Variants in GRM7 observed in about 807,000 individuals in gnomAD.
GRM7 encodes glutamate metabotropic receptor 7.
A neutral mutation model predicts 84.5 loss-of-function variants in GRM7; 35 were observed. The ratio of observed to expected loss-of-function variants is 0.41; its 90% CI spans 0.32 to 0.55. The LOEUF (loss-of-function observed/expected upper bound fraction) is 0.55. Ranked by LOEUF, GRM7 falls within the 20% of genes least tolerant of loss-of-function variation. The pLI, the probability that GRM7 is intolerant of heterozygous loss-of-function variation, is 0.19. For synonymous variants in GRM7, 487 were observed against 455.1 expected (o/e 1.07, Z -0.89); for missense variants, 1,003 against 1,194.6 (o/e 0.84, Z 2.36).
At chr3:7,468,353 T>A (rs769779211) in intron 7 of GRM7, among the ~76,000 whole-genome samples, 30 of 152,322 alleles carry the variant, frequency 2.0e-4, no homozygotes, top group Middle Eastern at 3.4e-3. Flanking sequence ...TTGTTAGTAA[T>A]TAGAACAGTA....
rs527292460 is a variant in GRM7 at position 7,683,719 on chromosome 3, A to G, written c.2698+3424A>G. Among the ~76,000 whole-genome samples, 6 of 152,364 alleles carry G rather than the reference A, an allele frequency of 3.9e-5. No homozygotes were observed. The East Asian group carries it at 1.2e-3, about 29-fold the overall frequency. On this transcript the variant is annotated intron_variant, in intron 9 of 9. Coordinates refer to ENST00000357716, the MANE Select transcript of GRM7 (RefSeq NM_000844.4). ...TGAACATTTGAAATATAGCTACTCA[A>G]CTGAAGAAATACATTTGTTATTTTA...
At chr3:7,116,550 T>A (rs1693041039) in intron 1 of GRM7, among the ~76,000 whole-genome samples, 1 of 152,152 alleles carries the variant, frequency 6.6e-6, no homozygotes, top group African/African-American at 2.4e-5. Flanking sequence ...AAAAGTGTAC[T>A]GTTATTATAT....
chr3:7,418,652 A>G (rs753608638), intron 5 of GRM7, among the ~76,000 whole-genome samples: 2 of 152,166 alleles, frequency 1.3e-5, no homozygotes, highest in East Asian at 1.9e-4. Flanking sequence ...AGACCAGTTT[A>G]GAGTATGACC....
chr3:7,207,014 G>A (rs533211889), intron 2 of GRM7, among the ~76,000 whole-genome samples: 1 of 152,090 alleles, frequency 6.6e-6, no homozygotes, highest in East Asian at 1.9e-4. Context: ...CAGTTTGGAT[G>A]GAAATAAGTA....
At chr3:7,340,638 T>C (rs1701603197) in intron 4 of GRM7, among the ~76,000 whole-genome samples, 1 of 152,124 alleles carries the variant, frequency 6.6e-6, no homozygotes, top group African/African-American at 2.4e-5. Context: ...TGATATCCAG[T>C]CTTCGTTAGA....
At chr3:7,725,958 T>G (rs2106522783) in intron 9 of GRM7, among the ~76,000 whole-genome samples, 1 of 152,294 alleles carries the variant, frequency 6.6e-6, no homozygotes, top group East Asian at 1.9e-4. Flanking sequence ...AACATATGAA[T>G]GCCTCAGGAA....
chr3:7,410,074 A>C (rs1695860113), intron 4 of GRM7, among the ~76,000 whole-genome samples: 3 of 152,198 alleles, frequency 2.0e-5, no homozygotes, highest in Admixed American at 6.5e-5. Context: ...TACAGCTCAA[A>C]AATGAGAAAT....
chr3:7,559,042 G>A (rs1435317236), intron 7 of GRM7: 1 of 152,058 alleles, frequency 6.6e-6, no homozygotes, highest in Non-Finnish European at 1.5e-5. Flanking sequence ...AAATTATTGA[G>A]CTCTGAATAA....
intron 1 of GRM7, among the ~76,000 whole-genome samples, chr3:7,047,176 T>G (rs1388325025): frequency 6.6e-6 from 1 of 152,048 alleles, no homozygotes; most frequent in East Asian, 1.9e-4. Flanking sequence ...TTCATTGTTG[T>G]ATTTTCTATG....
chr3:7,535,271 G>T (rs1701199226), intron 7 of GRM7: 1 of 151,578 alleles, frequency 6.6e-6, no homozygotes, highest in East Asian at 1.9e-4. Flanking sequence ...GCAACTGGAG[G>T]AGGATGGATA....
intron 1 of GRM7, among the ~76,000 whole-genome samples, chr3:6,985,937 A>G (rs1256733490): frequency 1.3e-5 from 2 of 152,134 alleles, no homozygotes; most frequent in African/African-American, 4.8e-5. Context: ...TCCCACTAAT[A>G]TTTTTGGGTT....
intron 8 of GRM7, among the ~76,000 whole-genome samples, chr3:7,614,608 A>G (rs1410977951): frequency 6.6e-6 from 1 of 152,188 alleles, no homozygotes; most frequent in Non-Finnish European, 1.5e-5. Flanking sequence ...TTCTTGATCA[A>G]TCCAATAGAA....
chr3:7,313,724 G>A (rs556553611), intron 4 of GRM7, among the ~76,000 whole-genome samples: 1 of 152,150 alleles, frequency 6.6e-6, no homozygotes, highest in Middle Eastern at 3.4e-3. Flanking sequence ...ATCACCACAG[G>A]AAATAATATT....
At chr3:7,679,549 G>C (rs554008747) in intron 8 of GRM7, among the ~76,000 whole-genome samples, 177 of 152,302 alleles carry the variant, frequency 1.2e-3, no homozygotes, top group Non-Finnish European at 2.2e-3. Flanking sequence ...CTATTCAGCA[G>C]ATAGGGAAAA....
At chr3:7,004,700 C>G (rs1695124121) in intron 1 of GRM7, among the ~76,000 whole-genome samples, 1 of 152,106 alleles carries the variant, frequency 6.6e-6, no homozygotes, top group Admixed American at 6.6e-5. Flanking sequence ...TGTAACAGCT[C>G]TTTCTTTTCA....
At position 7,616,062 on chromosome 3, in the gene GRM7, TAGCAGGC is replaced by T. The variant is rs796736440; in HGVS notation, c.2451+36706_2451+36712del. 2.6e-5 allele frequency among the ~76,000 whole-genome samples: 4 copies of T among 152,210 alleles called. No individual in the cohort carries two copies. In the South Asian group the frequency reaches 6.2e-4, roughly 24 times the overall value. On this transcript the variant is annotated intron_variant, in intron 8 of 9. Coordinates refer to ENST00000357716, the MANE Select transcript of GRM7 (RefSeq NM_000844.4). ...AGTAGAAAGGTTGATCTGAAGTAGG[TAGCAGGC>T]TACTAGGAGAAGTGTCCTGAATTAC... is the stretch of plus-strand genomic sequence containing the variant.
intron 2 of GRM7, among the ~76,000 whole-genome samples, chr3:7,267,576 G>C (rs902170802): frequency 6.6e-6 from 1 of 152,220 alleles, no homozygotes; most frequent in Non-Finnish European, 1.5e-5. Flanking sequence ...GCTGCTTGCA[G>C]CCCGGAGTGC....
intron 1 of GRM7, among the ~76,000 whole-genome samples, chr3:6,942,653 C>A (rs1697931974): frequency 6.6e-6 from 1 of 152,010 alleles, no homozygotes; most frequent in Admixed American, 6.6e-5. Context: ...TAGGTTATTG[C>A]CAGTTAATTT....
chr3:7,217,403 G>T (rs1363701880), intron 2 of GRM7, among the ~76,000 whole-genome samples: 1 of 151,936 alleles, frequency 6.6e-6, no homozygotes, highest in Non-Finnish European at 1.5e-5. Context: ...TTTCCATTCT[G>T]GTTCAGAGTC....
Sources: allele counts gnomAD v4.1 joint callset (sites outside exome capture counted in the v4.1 genomes callset), GRCh38; gene constraint gnomAD v4.1.1; transcripts MANE v1.5; gene names NCBI Gene and HGNC (gene_info 2026-07-23, HGNC 2026-07-21).